The following SLC30A8 variants were observed in gnomAD, a reference collection of about 807,000 sequenced individuals.
The protein encoded by SLC30A8 is proton-coupled zinc antiporter SLC30A8.
A neutral mutation model predicts 36.9 loss-of-function variants in SLC30A8; 27 were observed. The ratio of observed to expected loss-of-function variants is 0.73; its 90% CI spans 0.54 to 1.01. The LOEUF (loss-of-function observed/expected upper bound fraction) is 1.01, where lower values mean the gene tolerates loss of function less well. Ranked by LOEUF, SLC30A8 falls within the 50% of genes least tolerant of loss-of-function variation. SLC30A8 has a pLI of 0.00. For synonymous variants in SLC30A8, 164 were observed against 172.4 expected (o/e 0.95, Z 0.38); for missense variants, 439 against 452.0 (o/e 0.97, Z 0.26).
In SLC30A8 at chr8:117,161,257, G is replaced by A. The variant is rs375194780; in HGVS notation, c.573-481G>A. ...TTCTTTTGAAAATGCACAAAATTAG[G>A]TAAAATAAAACCTCAATAAAATTCA... On this transcript the variant is annotated intron_variant, in intron 4 of 7. Coordinates refer to ENST00000456015, the MANE Select transcript of SLC30A8 (RefSeq NM_173851.3). 1.2e-4 allele frequency among the ~76,000 whole-genome samples: 19 copies of A among 152,220 alleles called. No individual in the cohort carries two copies. The East Asian group carries it at 3.1e-3, about 25-fold the overall frequency.
upstream of SLC30A8, among the ~76,000 whole-genome samples, chr8:117,133,205 A>T (rs1421429684): frequency 1.3e-5 from 2 of 151,950 alleles, no homozygotes; most frequent in African/African-American, 2.4e-5. Flanking sequence ...AGATCATAGG[A>T]TACATTTTTG....
chr8:117,137,154 C>T (rs910363342), intron 1 of SLC30A8, among the ~76,000 whole-genome samples: 7 of 151,906 alleles, frequency 4.6e-5, no homozygotes, highest in African/African-American at 1.7e-4. Flanking sequence ...ACCATGTGGG[C>T]TCCTGAATCC....
chr8:117,013,371 A>G (rs1201696628), intron 1 of SLC30A8, among the ~76,000 whole-genome samples: 1 of 152,196 alleles, frequency 6.6e-6, no homozygotes, highest in Non-Finnish European at 1.5e-5. Flanking sequence ...GAAGGTAACA[A>G]GTATTTAATA....
chr8:117,166,511 T>C (rs1442770105), intron 6 of SLC30A8, among the ~76,000 whole-genome samples: 1 of 152,162 alleles, frequency 6.6e-6, no homozygotes, highest in African/African-American at 2.4e-5. Context: ...CACAGATATC[T>C]GAGCCCACTC....
chr8:116,992,586 G>A (rs1354808250), intron 1 of SLC30A8, among the ~76,000 whole-genome samples: 1 of 152,118 alleles, frequency 6.6e-6, no homozygotes, highest in Non-Finnish European at 1.5e-5. Flanking sequence ...AGCAGGACTA[G>A]CAAAGCAGTC....
intron 2 of SLC30A8, among the ~76,000 whole-genome samples, chr8:117,046,242 G>A (rs1817545717): frequency 6.6e-6 from 1 of 152,276 alleles, no homozygotes. Flanking sequence ...GAGCTAGCAG[G>A]GCTGATGCTG....
chr8:117,051,648 C>A (rs556785022), intron 2 of SLC30A8, among the ~76,000 whole-genome samples: 4 of 152,012 alleles, frequency 2.6e-5, no homozygotes, highest in African/African-American at 9.6e-5. Flanking sequence ...CCCATCTCTA[C>A]TAAAAATACA....
At chr8:117,126,286 T>C (rs1424302738) in intron 2 of SLC30A8, among the ~76,000 whole-genome samples, 1 of 152,052 alleles carries the variant, frequency 6.6e-6, no homozygotes, top group Non-Finnish European at 1.5e-5. Context: ...TATGATAGTC[T>C]TTATTTATTA....
intron 1 of SLC30A8, among the ~76,000 whole-genome samples, chr8:116,992,562 G>A (rs1815679878): frequency 6.6e-6 from 1 of 152,086 alleles, no homozygotes; most frequent in Admixed American, 6.6e-5. Flanking sequence ...GGGTGGGAGG[G>A]ACAAAAATTA....
chr8:116,964,958 C>T lies in SLC30A8; in HGVS notation c.-266+13839C>T, dbSNP rs144950859. 1.4e-4 allele frequency among the ~76,000 whole-genome samples: 21 copies of T among 152,222 alleles called. No homozygotes were observed. In the East Asian group the frequency reaches 1.5e-3, roughly 11 times the overall value. ...GCTTTTTGTTTGTTTGTTTTTGAGA[C>T]GGAATTTCACTCTTGTTGCCCAGGC... On this transcript the variant is annotated intron_variant, in intron 1 of 10. Coordinates refer to the SLC30A8 transcript ENST00000427715.
In SLC30A8 at chr8:117,012,724, TACAC is replaced by T. The variant is rs376889831; in HGVS notation, c.-265-26462_-265-26459del. ...TTGTGCATGTACATAGACATATGTATACACACACACACACACACACACACACACA... is the reference window on the plus strand; with the variant it reads ...TTGTGCATGTACATAGACATATGTATACACACACACACACACACACACACA... On this transcript the variant is annotated intron_variant, in intron 1 of 10. Transcript: ENST00000427715. 4.2e-3 allele frequency among the ~76,000 whole-genome samples: 536 copies of T among 126,384 alleles called. 5 individuals are homozygous for T. Among genetic ancestry groups the T allele is most frequent in the African/African-American group, 0.014 (473 of 34,390 alleles). The allele number at this position is 126,384 out of a possible 152,430, so 82.9% of individuals were successfully genotyped here.
At chr8:117,080,760 A>G (rs1818650079) in intron 2 of SLC30A8, among the ~76,000 whole-genome samples, 1 of 152,054 alleles carries the variant, frequency 6.6e-6, no homozygotes, top group South Asian at 2.1e-4. Context: ...GGTTGATTCC[A>G]TGTTTTTGCT....
intron 2 of SLC30A8, among the ~76,000 whole-genome samples, chr8:117,045,425 A>G (rs551606807): frequency 3.5e-4 from 53 of 152,302 alleles, no homozygotes; most frequent in African/African-American, 1.3e-3. Flanking sequence ...TATTCATCAA[A>G]GAGACCCCTA....
chr8:116,955,709 C>T (rs1002808101), intron 1 of SLC30A8, among the ~76,000 whole-genome samples: 30 of 144,874 alleles, frequency 2.1e-4, no homozygotes, highest in African/African-American at 6.1e-4. Flanking sequence ...GGTGACAGAG[C>T]GAGACTCTGT....
chr8:117,150,177 C>CACA (rs1349990930), intron 2 of SLC30A8, among the ~76,000 whole-genome samples: 2 of 152,120 alleles, frequency 1.3e-5, no homozygotes, highest in Non-Finnish European at 2.9e-5. Context: ...GGGGTTTTGA[C>CACA]ACAACATATG....
At chr8:117,117,525 T>C (rs1039213730) in intron 2 of SLC30A8, among the ~76,000 whole-genome samples, 2 of 151,938 alleles carry the variant, frequency 1.3e-5, no homozygotes, top group Non-Finnish European at 2.9e-5. Context: ...GTTAAGAGAG[T>C]GCAATAAAGC....
chr8:117,130,509 C>G (rs1029643710), upstream of SLC30A8, among the ~76,000 whole-genome samples: 3 of 151,798 alleles, frequency 2.0e-5, no homozygotes, highest in African/African-American at 7.3e-5. Flanking sequence ...CAGATAATGA[C>G]AAGAGGGCTC....
chr8:117,011,252 T>A (rs1337397483), intron 1 of SLC30A8, among the ~76,000 whole-genome samples: 1 of 152,208 alleles, frequency 6.6e-6, no homozygotes, highest in Non-Finnish European at 1.5e-5. Context: ...CTTTGCAGTA[T>A]GTGAACCAAC....
At position 117,147,073 on chromosome 8, in the gene SLC30A8, C is replaced by T. The variant is rs774478941; in HGVS notation, c.191C>T (p.Ala64Val). 41 of 1,614,066 alleles carry T rather than the reference C, an allele frequency of 2.5e-5. 2 individuals carry two copies. The South Asian group carries it at 3.2e-4, about 13-fold the overall frequency. ...GGCTCCAAGCCCACAGAAAAGGGGG[C>T]GAATGAGTACGCCTATGCCAAGTGG... ...HSGSKPTEKG[A>V]NEYAYAKWKL... Residue 64 changes from alanine to valine, a missense_variant, in exon 2 of 8, where the codon GCG becomes GTG. Coordinates refer to ENST00000456015, the MANE Select transcript of SLC30A8 (RefSeq NM_173851.3).
Sources: gnomAD v4.1 joint callset for allele counts (sites outside exome capture counted in the v4.1 genomes callset) on GRCh38, gnomAD v4.1.1 for gene constraint, MANE v1.5 for transcripts, NCBI Gene and HGNC (gene_info 2026-07-23, HGNC 2026-07-21) for gene names.